Variants in INPP5A observed in about 807,000 individuals in gnomAD.
The protein encoded by INPP5A is 43 kDa inositol polyphosphate 5-phophatase.
In INPP5A, 14 loss-of-function variants were observed where a neutral mutation model predicts 65.2. The observed-to-expected ratio is 0.21, with a 90% CI of 0.14 to 0.34. The LOEUF is 0.34. Among genes scored for constraint, INPP5A ranks in the 10% least tolerant of loss-of-function variants. The pLI, the probability that INPP5A is intolerant of heterozygous loss-of-function variation, is 1.00. For missense variants in INPP5A, 431 were observed against 545.6 expected (o/e 0.79, Z 2.09); for synonymous variants, 207 against 208.3 (o/e 0.99, Z 0.05).
intron 11 of INPP5A, among the ~76,000 whole-genome samples, chr10:132,754,181 C>A (rs1340150760): frequency 6.6e-6 from 1 of 152,268 alleles, no homozygotes; most frequent in African/African-American, 2.4e-5. Context: ...CACCTGGCCG[C>A]CATGGTCCCT....
chr10:132,556,743 A>C (rs772556008), intron 1 of INPP5A, among the ~76,000 whole-genome samples: 1 of 150,908 alleles, frequency 6.6e-6, no homozygotes. Flanking sequence ...TTTAATTTGC[A>C]TTGCCTTGGT....
intron 1 of INPP5A, among the ~76,000 whole-genome samples, chr10:132,593,708 T>G (rs1329066435): frequency 2.0e-5 from 3 of 152,018 alleles, no homozygotes; most frequent in East Asian, 1.9e-4. Context: ...TTTTCTTGCT[T>G]CTTTCAAGAT....
At chr10:132,631,947 G>A (rs2072280749) in intron 2 of INPP5A, among the ~76,000 whole-genome samples, 1 of 147,648 alleles carries the variant, frequency 6.8e-6, no homozygotes, top group Non-Finnish European at 1.5e-5. Context: ...TGACTTCCCC[G>A]ATAGTTCCAA....
At chr10:132,736,358 A>G (rs1471085761) in intron 9 of INPP5A, among the ~76,000 whole-genome samples, 1 of 152,228 alleles carries the variant, frequency 6.6e-6, no homozygotes, top group African/African-American at 2.4e-5. Context: ...TCTGACAGTG[A>G]CGGTGATGGA....
rs12415577 is a variant in INPP5A at position 132,769,808 on chromosome 10, C to A, written c.977+3962C>A. On this transcript the variant is annotated intron_variant, in intron 12 of 15. Coordinates refer to ENST00000368594, the MANE Select transcript of INPP5A (RefSeq NM_005539.5). ...AGCCCCCACCCCGTAGCTCCCCCCC[C>A]CCAAGTTCCTGATACGTGTGGCTCC... Among the ~76,000 whole-genome samples, 200 of 151,686 alleles carry A rather than the reference C, an allele frequency of 1.3e-3. 1 individual carries two copies. Among genetic ancestry groups the A allele is most frequent in the African/African-American group, 4.0e-3 (165 of 41,214 alleles).
chr10:132,751,071 C>T (rs1040565809), intron 11 of INPP5A, among the ~76,000 whole-genome samples: 13 of 152,214 alleles, frequency 8.5e-5, no homozygotes, highest in African/African-American at 2.9e-4. Flanking sequence ...CTGCCAGCCC[C>T]GAGTCCCAGG....
chr10:132,587,418 G>A lies in INPP5A; in HGVS notation c.76-20497G>A, dbSNP rs57810592. The stretch of plus-strand genomic sequence containing the variant: ...CATGGTGTGCTCTGTGGGGCTGGCA[G>A]GGATCCTGGCATGGCCTGTGTGATT... On this transcript the variant is annotated intron_variant, in intron 1 of 15. Transcript: ENST00000368594. The surrounding 1 kb of genome is among the most constrained non-coding windows in gnomAD (Gnocchi z 4.3). Among the ~76,000 whole-genome samples, 598 of 152,310 alleles carry A rather than the reference G, an allele frequency of 3.9e-3. 3 individuals carry two copies. The highest frequency in any genetic ancestry group is 0.014 in the African/African-American group (570 of 41,568).
At chr10:132,742,350 G>C (rs551329888) in intron 9 of INPP5A, among the ~76,000 whole-genome samples, 1 of 152,358 alleles carries the variant, frequency 6.6e-6, no homozygotes, top group East Asian at 1.9e-4. Context: ...CCAGCTCTCA[G>C]AGGCGACACC....
At position 132,674,464 on chromosome 10, in the gene INPP5A, A is replaced by C. The variant is rs897780468; in HGVS notation, c.307-15928A>C. ...TTCGGGTGGTGCCTGCATACCGTGC[A>C]GAACCATCTGTGAACCAGGCCCCGG... On this transcript the variant is annotated intron_variant, in intron 4 of 15. Coordinates refer to ENST00000368594, the MANE Select transcript of INPP5A (RefSeq NM_005539.5). This position sits in a 1 kb window ranked among gnomAD's most constrained non-coding sequence, Gnocchi z 4.4. Among the ~76,000 whole-genome samples the C allele has an allele frequency of 2.0e-5, 3 of 152,238 alleles. No homozygotes were observed. The highest frequency in any genetic ancestry group is 4.8e-5 in the African/African-American group (2 of 41,464).
chr10:132,688,835 T>C (rs987419752), intron 4 of INPP5A, among the ~76,000 whole-genome samples: 1 of 150,904 alleles, frequency 6.6e-6, no homozygotes, highest in Non-Finnish European at 1.5e-5. Flanking sequence ...AGTGCAAGTG[T>C]AAGTGTGCGT....
chr10:132,773,627 G>A (rs1323209425), intron 12 of INPP5A, among the ~76,000 whole-genome samples: 1 of 152,252 alleles, frequency 6.6e-6, no homozygotes, highest in Non-Finnish European at 1.5e-5. Context: ...CCGCCTGGTG[G>A]TCAGGAACCC....
chr10:132,583,483 T>A (rs891540251), intron 1 of INPP5A, among the ~76,000 whole-genome samples: 12 of 152,212 alleles, frequency 7.9e-5, no homozygotes, highest in Admixed American at 4.6e-4. Flanking sequence ...GCTCTTCCTT[T>A]CGGGGAAAGT....
intron 1 of INPP5A, among the ~76,000 whole-genome samples, chr10:132,553,441 G>A (rs1160686524): frequency 1.4e-5 from 2 of 141,114 alleles, no homozygotes; most frequent in Non-Finnish European, 3.1e-5. Context: ...ACTGGTGAAC[G>A]CCTTCTCAGA....
At position 132,753,313 on chromosome 10, in the gene INPP5A, G is replaced by A. The variant is rs1450642917; in HGVS notation, c.903+3468G>A. Among the ~76,000 whole-genome samples the A allele has an allele frequency of 3.3e-5, 5 of 152,174 alleles. No homozygotes were observed. The highest frequency in any genetic ancestry group is 7.3e-5 in the Non-Finnish European group (5 of 68,040). ...GTCCGGTTAAACACACAGCACCGCA[G>A]CCATGGAGAGCAAACTCTCCGTCCG... On this transcript the variant is annotated intron_variant, in intron 11 of 15. Transcript: ENST00000368594. This position sits in a 1 kb window ranked among gnomAD's most constrained non-coding sequence, Gnocchi z 5.3.
chr10:132,760,951 C>T (rs1445248946), intron 11 of INPP5A, among the ~76,000 whole-genome samples: 1 of 152,214 alleles, frequency 6.6e-6, no homozygotes, highest in Non-Finnish European at 1.5e-5. Flanking sequence ...AAGAATTTGG[C>T]ATCTGGTGAG....
chr10:132,581,682 T>G (rs538242211), intron 1 of INPP5A, among the ~76,000 whole-genome samples: 76 of 152,224 alleles, frequency 5.0e-4, no homozygotes, highest in Non-Finnish European at 1.0e-3. Flanking sequence ...ATTCATGTAT[T>G]TCTTTTGCAA....
rs971449246 is a variant in INPP5A at position 132,547,102 on chromosome 10, G to A, written c.75+8931G>A. Among the ~76,000 whole-genome samples the A allele has an allele frequency of 7.2e-5, 11 of 152,362 alleles. No individual in the cohort carries two copies. Among genetic ancestry groups the A allele is most frequent in the African/African-American group, 2.6e-4 (11 of 41,594 alleles). ...AGAGGAAATCCCGCCTTCAGTGCCA[G>A]GTGCCAGGCCACAGTCCAGGTTCAC... On this transcript the variant is annotated intron_variant, in intron 1 of 15. Coordinates refer to ENST00000368594, the MANE Select transcript of INPP5A (RefSeq NM_005539.5). This position sits in a 1 kb window ranked among gnomAD's most constrained non-coding sequence, Gnocchi z 5.5.
At chr10:132,622,136 T>G (rs1241210058) in intron 2 of INPP5A, among the ~76,000 whole-genome samples, 2 of 152,224 alleles carry the variant, frequency 1.3e-5, no homozygotes, top group Non-Finnish European at 2.9e-5. Context: ...ATATTTACAA[T>G]AGCAGTAAAA....
chr10:132,759,813 C>T (rs569496583), intron 11 of INPP5A, among the ~76,000 whole-genome samples: 3 of 152,166 alleles, frequency 2.0e-5, no homozygotes, highest in Non-Finnish European at 2.9e-5. Context: ...CCCTGGCGTC[C>T]TCAGAGCCCC....
Sources: allele counts gnomAD v4.1 joint callset (sites outside exome capture counted in the v4.1 genomes callset), GRCh38; gene constraint gnomAD v4.1.1; non-coding constraint Gnocchi (gnomAD v3.1); transcripts MANE v1.5; gene names NCBI Gene and HGNC (gene_info 2026-07-23, HGNC 2026-07-21).